SGCZ: variants seen among roughly 807,000 people sequenced by gnomAD.
SGCZ encodes the protein sarcoglycan zeta.
A neutral mutation model predicts 41.3 loss-of-function variants in SGCZ; 40 were observed. The ratio of observed to expected loss-of-function variants is 0.97; its 90% CI spans 0.75 to 1.26. The LOEUF (loss-of-function observed/expected upper bound fraction) is 1.26. Among genes scored for constraint, SGCZ ranks in the 50% most tolerant of loss-of-function variants. The pLI, the probability that SGCZ is intolerant of heterozygous loss-of-function variation, is 0.00. For missense variants in SGCZ, 552 were observed against 369.8 expected (o/e 1.49, Z -4.04); for synonymous variants, 206 against 137.5 (o/e 1.50, Z -3.49).
chr8:14,539,049 T>G (rs1439059991), intron 2 of SGCZ, among the ~76,000 whole-genome samples: 3 of 151,986 alleles, frequency 2.0e-5, no homozygotes, highest in Non-Finnish European at 4.4e-5. Context: ...ATCAACAGAC[T>G]TTGAGTAAAG....
intron 2 of SGCZ, among the ~76,000 whole-genome samples, chr8:14,348,755 C>A (rs1802981724): frequency 6.6e-6 from 1 of 152,094 alleles, no homozygotes; most frequent in South Asian, 2.1e-4. Flanking sequence ...TCTCAAGAGA[C>A]TTTATGGCTA....
At chr8:15,231,996 C>T (rs1008563689) in intron 1 of SGCZ, among the ~76,000 whole-genome samples, 13 of 152,172 alleles carry the variant, frequency 8.5e-5, no homozygotes, top group Admixed American at 6.5e-5. Context: ...AATTTTATCA[C>T]AAACCAAGCA....
At chr8:14,312,318 T>G in intron 3 of SGCZ, among the ~76,000 whole-genome samples, 1 of 151,960 alleles carries the variant, frequency 6.6e-6, no homozygotes, top group South Asian at 2.1e-4. Flanking sequence ...CCTAGAGTTT[T>G]GGGGAAAAAA....
intron 1 of SGCZ, among the ~76,000 whole-genome samples, chr8:14,663,191 T>C (rs1807809735): frequency 6.6e-6 from 1 of 152,162 alleles, no homozygotes; most frequent in Non-Finnish European, 1.5e-5. Context: ...TCATAAGAAT[T>C]CTTAAATAGG....
chr8:15,195,807 T>C (rs1294321882), intron 1 of SGCZ, among the ~76,000 whole-genome samples: 7 of 152,278 alleles, frequency 4.6e-5, no homozygotes, highest in Non-Finnish European at 8.8e-5. Context: ...TTAAACTGTA[T>C]GTTTATAGCA....
intron 1 of SGCZ, among the ~76,000 whole-genome samples, chr8:14,653,081 A>G (rs775689023): frequency 7.2e-5 from 11 of 152,126 alleles, no homozygotes; most frequent in Non-Finnish European, 1.3e-4. Context: ...CTCTATGTCT[A>G]TTATCTAGAA....
chr8:15,174,697 T>A (rs994806500), intron 1 of SGCZ, among the ~76,000 whole-genome samples: 3 of 152,188 alleles, frequency 2.0e-5, no homozygotes, highest in African/African-American at 7.2e-5. Context: ...TCCACATGCC[T>A]TCCAACACTC....
chr8:14,264,606 G>A (rs999034756), intron 3 of SGCZ, among the ~76,000 whole-genome samples: 2 of 152,160 alleles, frequency 1.3e-5, no homozygotes, highest in Admixed American at 1.3e-4. Flanking sequence ...CAGAGGCAGT[G>A]ACCACCGGCT....
chr8:14,790,753 A>T (rs1178326643), intron 1 of SGCZ, among the ~76,000 whole-genome samples: 1 of 152,152 alleles, frequency 6.6e-6, no homozygotes, highest in East Asian at 1.9e-4. Context: ...GTATACAGCC[A>T]GGAACGTTGG....
intron 2 of SGCZ, among the ~76,000 whole-genome samples, chr8:14,533,873 G>A (rs1225240350): frequency 1.3e-5 from 2 of 151,990 alleles, no homozygotes; most frequent in East Asian, 3.9e-4. Context: ...TTTTCATGCT[G>A]TCATGGTGAC....
intron 1 of SGCZ, among the ~76,000 whole-genome samples, chr8:15,158,372 A>G (rs928910766): frequency 2.0e-5 from 3 of 152,180 alleles, no homozygotes; most frequent in Admixed American, 6.5e-5. Context: ...TGTTCTCCAC[A>G]TGGCTGATAT....
intron 2 of SGCZ, among the ~76,000 whole-genome samples, chr8:14,465,532 C>A (rs1240824504): frequency 1.3e-5 from 2 of 151,692 alleles, no homozygotes; most frequent in East Asian, 3.8e-4. Context: ...TTTCTAACTT[C>A]TGTGATTTTC....
At chr8:14,605,506 C>A (rs1245994333) in intron 1 of SGCZ, among the ~76,000 whole-genome samples, 1 of 152,060 alleles carries the variant, frequency 6.6e-6, no homozygotes, top group African/African-American at 2.4e-5. Context: ...ATCTTTTAAT[C>A]TTTTTCTATT....
At chr8:14,290,541 T>A (rs1331028242) in intron 3 of SGCZ, among the ~76,000 whole-genome samples, 2 of 152,000 alleles carry the variant, frequency 1.3e-5, no homozygotes, top group African/African-American at 4.8e-5. Flanking sequence ...GAATAGACAT[T>A]TCTCAAAAGA....
intron 1 of SGCZ, among the ~76,000 whole-genome samples, chr8:15,183,559 A>C (rs756921721): frequency 2.5e-4 from 38 of 152,286 alleles, no homozygotes; most frequent in Non-Finnish European, 3.8e-4. Context: ...TTTGTGTGTT[A>C]CTGATTAGAG....
At chr8:15,128,937 A>G (rs1461421403) in intron 1 of SGCZ, among the ~76,000 whole-genome samples, 1 of 151,410 alleles carries the variant, frequency 6.6e-6, no homozygotes, top group East Asian at 1.9e-4. Context: ...TTCCTCACCC[A>G]CCTCCCCAAA....
At chr8:14,993,622 G>C (rs1245557369) in intron 1 of SGCZ, among the ~76,000 whole-genome samples, 1 of 152,174 alleles carries the variant, frequency 6.6e-6, no homozygotes, top group Non-Finnish European at 1.5e-5. Flanking sequence ...AGCATAATTT[G>C]AGCAAAGACA....
At chr8:15,186,786 G>C (rs1218007534) in intron 1 of SGCZ, among the ~76,000 whole-genome samples, 1 of 152,158 alleles carries the variant, frequency 6.6e-6, no homozygotes, top group Non-Finnish European at 1.5e-5. Flanking sequence ...TAATTAGTGA[G>C]ACAAAGAAGT....
At chr8:14,470,309 C>G (rs1191282457) in intron 2 of SGCZ, among the ~76,000 whole-genome samples, 1 of 152,092 alleles carries the variant, frequency 6.6e-6, no homozygotes, top group Admixed American at 6.6e-5. Flanking sequence ...TCTCCTCACT[C>G]TTTTATAATC....
Sources: gnomAD v4.1 joint callset for allele counts (sites outside exome capture counted in the v4.1 genomes callset) on GRCh38, gnomAD v4.1.1 for gene constraint, MANE v1.5 for transcripts, NCBI Gene and HGNC (gene_info 2026-07-23, HGNC 2026-07-21) for gene names.